FOCAD: variants seen among roughly 807,000 people sequenced by gnomAD.
The protein encoded by FOCAD is focadhesin.
A neutral mutation model predicts 225.6 loss-of-function variants in FOCAD; 198 were observed. The observed-to-expected ratio is 0.88, with a 90% CI of 0.78 to 0.99. FOCAD has a LOEUF of 0.99. Ranked by LOEUF, FOCAD falls within the 50% of genes least tolerant of loss-of-function variation. The pLI is 0.00. For missense variants in FOCAD, 2,713 were observed against 2,123.6 expected, an observed-to-expected ratio of 1.28 and a Z score of -5.46; for synonymous variants, 897 against 755.0, an observed-to-expected ratio of 1.19 and a Z score of -3.08.
intron 5 of FOCAD, among the ~76,000 whole-genome samples, chr9:20,757,334 A>G (rs1320841717): frequency 6.6e-6 from 1 of 152,264 alleles, no homozygotes; most frequent in Admixed American, 6.5e-5. Flanking sequence ...TACAATTATT[A>G]GTAGAGTAGC....
intron 15 of FOCAD, among the ~76,000 whole-genome samples, chr9:20,831,845 A>G (rs1161795560): frequency 6.6e-6 from 1 of 152,086 alleles, no homozygotes; most frequent in East Asian, 1.9e-4. Flanking sequence ...TCCCTTAAGC[A>G]TTGAACCCCA....
At chr9:20,781,459 G>GTTGAA (rs144584830) in intron 9 of FOCAD, among the ~76,000 whole-genome samples, 5,852 of 152,000 alleles carry the variant, frequency 0.038, 144 homozygotes, top group African/African-American at 0.072. Context: ...AAGGGCAAAT[G>GTTGAA]TTGAATTGTA....
chr9:20,975,387 AGCT>A (rs1482924499), intron 35 of FOCAD, among the ~76,000 whole-genome samples: 2 of 152,238 alleles, frequency 1.3e-5, no homozygotes, highest in African/African-American at 4.8e-5. Context: ...CTGATGGACT[AGCT>A]GTTACACAGC....
At chr9:20,742,944 C>A (rs1827753009) in intron 5 of FOCAD, among the ~76,000 whole-genome samples, 1 of 152,066 alleles carries the variant, frequency 6.6e-6, no homozygotes, top group East Asian at 1.9e-4. Context: ...TATGGAGAGC[C>A]CTTATGTGAA....
intron 2 of FOCAD, among the ~76,000 whole-genome samples, chr9:20,677,558 A>G (rs1822271067): frequency 6.6e-6 from 1 of 152,232 alleles, no homozygotes; most frequent in South Asian, 2.1e-4. Flanking sequence ...TAAGGACCTG[A>G]TAGACATTTC....
chr9:20,806,138 G>A (rs1019658055), intron 11 of FOCAD, among the ~76,000 whole-genome samples: 2 of 152,166 alleles, frequency 1.3e-5, no homozygotes, highest in Non-Finnish European at 2.9e-5. Context: ...TGACCATTTA[G>A]TGTGTACCAA....
At chr9:20,748,199 T>C (rs563134284) in intron 5 of FOCAD, among the ~76,000 whole-genome samples, 1 of 152,246 alleles carries the variant, frequency 6.6e-6, no homozygotes, top group Non-Finnish European at 1.5e-5. Flanking sequence ...AATACATTAA[T>C]ACAATAATTA....
At chr9:20,777,430 A>G (rs1463666740) in intron 8 of FOCAD, among the ~76,000 whole-genome samples, 1 of 151,602 alleles carries the variant, frequency 6.6e-6, no homozygotes. Context: ...TAATACATTA[A>G]GATTTTCTTT....
intron 2 of FOCAD, among the ~76,000 whole-genome samples, chr9:20,715,854 T>C (rs900336218): frequency 1.3e-5 from 2 of 152,226 alleles, no homozygotes; most frequent in Admixed American, 1.3e-4. Flanking sequence ...ATTTGATATA[T>C]CTACTAAGAT....
intron 6 of FOCAD, among the ~76,000 whole-genome samples, chr9:20,763,142 T>G (rs1352898957): frequency 6.6e-6 from 1 of 152,236 alleles, no homozygotes; most frequent in Non-Finnish European, 1.5e-5. Flanking sequence ...TCATGACATT[T>G]AATTGCATGC....
intron 8 of FOCAD, among the ~76,000 whole-genome samples, chr9:20,776,938 G>A (rs1199553055): frequency 1.3e-5 from 2 of 152,066 alleles, no homozygotes; most frequent in Non-Finnish European, 2.9e-5. Flanking sequence ...AAGTGTGTTG[G>A]TTTCAAAATG....
intron 4 of FOCAD, among the ~76,000 whole-genome samples, chr9:20,722,096 G>A (rs1038515334): frequency 7.0e-6 from 1 of 143,464 alleles, no homozygotes; most frequent in Non-Finnish European, 1.5e-5. Context: ...TTGCTATGCT[G>A]CCTGGGCATT....
intron 15 of FOCAD, among the ~76,000 whole-genome samples, chr9:20,824,855 C>T (rs1025485315): frequency 2.0e-5 from 3 of 152,074 alleles, no homozygotes; most frequent in South Asian, 4.2e-4. Context: ...TTCGTCTGTT[C>T]ATTCTTGTCT....
chr9:20,933,001 G>A lies in FOCAD; in HGVS notation c.3318-13G>A, dbSNP rs779281274. 7 of 1,596,054 alleles carry A rather than the reference G, an allele frequency of 4.4e-6. No individual in the cohort carries two copies. Among genetic ancestry groups the A allele is most frequent in the African/African-American group, 4.0e-5 (3 of 74,440 alleles). ...TTTAAATAATTCATTGTTTCCCCTT[G>A]ATCTTTAACCAGTGATATATCTGGC... On this transcript the variant is annotated splice_polypyrimidine_tract_variant and intron_variant, in intron 27 of 43. Transcript: ENST00000338382.
intron 21 of FOCAD, among the ~76,000 whole-genome samples, chr9:20,889,813 T>C (rs1831457576): frequency 1.3e-5 from 2 of 152,198 alleles, no homozygotes; most frequent in Admixed American, 1.3e-4. Context: ...ATTGAATTTG[T>C]AGGTCAACTT....
intron 11 of FOCAD, among the ~76,000 whole-genome samples, chr9:20,791,629 C>A (rs1820548675): frequency 6.6e-6 from 1 of 152,084 alleles, no homozygotes; most frequent in Non-Finnish European, 1.5e-5. Flanking sequence ...ACCTTATATT[C>A]AAAATTCAAA....
intron 1 of FOCAD, among the ~76,000 whole-genome samples, chr9:20,714,639 C>G (rs1290409949): frequency 3.9e-5 from 4 of 103,226 alleles, no homozygotes; most frequent in Non-Finnish European, 8.5e-5. Context: ...TGCCTGCCTT[C>G]CTTCCTTCCT....
chr9:20,936,427 G>A lies in FOCAD; in HGVS notation c.3407+3324G>A, dbSNP rs543413395. Among the ~76,000 whole-genome samples, 5 of 152,322 alleles carry A rather than the reference G, an allele frequency of 3.3e-5. No individual in the cohort carries two copies. The South Asian group carries it at 1.0e-3, about 32-fold the overall frequency. ...ATAAAGTAAAATGTCCATTTAATAG[G>A]TGGTAGTTATGGGATCTTCTTTCAG... On this transcript the variant is annotated intron_variant, in intron 28 of 43. Transcript: ENST00000338382.
At chr9:20,825,561 G>T (rs1007104315) in intron 15 of FOCAD, among the ~76,000 whole-genome samples, 3 of 152,016 alleles carry the variant, frequency 2.0e-5, no homozygotes, top group Non-Finnish European at 4.4e-5. Context: ...AATTAATAAA[G>T]ATAAGAGAAT....
Sources: gnomAD v4.1 joint callset for allele counts (sites outside exome capture counted in the v4.1 genomes callset) on GRCh38, gnomAD v4.1.1 for gene constraint, MANE v1.5 for transcripts, NCBI Gene and HGNC (gene_info 2026-07-23, HGNC 2026-07-21) for gene names.